NRG1: variants seen among roughly 807,000 people sequenced by gnomAD.
NRG1 encodes pro-neuregulin-1, membrane-bound isoform.
Under a neutral mutation model 63.8 loss-of-function variants are expected in NRG1, and 18 were observed. That is an observed-to-expected ratio of 0.28 (90% CI 0.19 to 0.42). The LOEUF (loss-of-function observed/expected upper bound fraction) is 0.42, where lower values mean the gene tolerates loss of function less well. NRG1 is among the 10% of genes least tolerant of loss of function. NRG1 has a pLI of 1.00. For missense variants in NRG1, 762 were observed against 814.7 expected, an observed-to-expected ratio of 0.94 and a Z score of 0.79; for synonymous variants, 302 against 301.3, an observed-to-expected ratio of 1.00 and a Z score of -0.02.
intron 1 of NRG1, among the ~76,000 whole-genome samples, chr8:32,538,716 A>G (rs948009224): frequency 1.3e-5 from 2 of 152,234 alleles, no homozygotes; most frequent in Admixed American, 6.5e-5. Flanking sequence ...ATCATTCCGA[A>G]GCTGAATTAA....
chr8:31,774,070 G>A (rs888514515), intron 1 of NRG1, among the ~76,000 whole-genome samples: 1 of 151,914 alleles, frequency 6.6e-6, no homozygotes. Flanking sequence ...ATGGCTCACA[G>A]GAACCAAGTG....
intron 1 of NRG1, among the ~76,000 whole-genome samples, chr8:32,396,445 A>T (rs753152157): frequency 2.0e-5 from 3 of 152,074 alleles, no homozygotes; most frequent in Non-Finnish European, 4.4e-5. Context: ...CAAATGGTAC[A>T]TTTATTTATC....
intron 5 of NRG1, among the ~76,000 whole-genome samples, chr8:32,721,292 T>A (rs1820564985): frequency 6.6e-6 from 1 of 152,222 alleles, no homozygotes; most frequent in Non-Finnish European, 1.5e-5. Flanking sequence ...TCTATATATG[T>A]TTGAACAATG....
chr8:31,948,100 G>T (rs1269477969), intron 1 of NRG1, among the ~76,000 whole-genome samples: 1 of 151,978 alleles, frequency 6.6e-6, no homozygotes, highest in African/African-American at 2.4e-5. Context: ...ACACACATAT[G>T]CACATATGTA....
chr8:32,674,078 T>C (rs1806419313), intron 5 of NRG1, among the ~76,000 whole-genome samples: 1 of 152,200 alleles, frequency 6.6e-6, no homozygotes, highest in Admixed American at 6.5e-5. Flanking sequence ...CATCTATTAT[T>C]TGCCTCTATT....
chr8:32,462,186 G>A (rs1056485422), intron 1 of NRG1, among the ~76,000 whole-genome samples: 4 of 152,180 alleles, frequency 2.6e-5, no homozygotes, highest in South Asian at 4.1e-4. Flanking sequence ...GAGGTTTTAC[G>A]AAAAGGAGAA....
At chr8:32,425,081 T>TCA (rs1817188100) in intron 1 of NRG1, among the ~76,000 whole-genome samples, 2 of 152,072 alleles carry the variant, frequency 1.3e-5, no homozygotes, top group Admixed American at 6.6e-5. Flanking sequence ...ATTTACTATA[T>TCA]ATCAGTAGCA....
At chr8:32,040,739 AAATTTAGGCGCATATATATAT>A (rs1216805663) in intron 1 of NRG1, among the ~76,000 whole-genome samples, 4 of 20,698 alleles carry the variant, frequency 1.9e-4, no homozygotes, top group African/African-American at 3.8e-4. Flanking sequence ...TATATATATG[AAATTTAGGCGCATATATATAT>A]ATATATATGC....
chr8:32,669,781 A>G (rs892832734), intron 5 of NRG1, among the ~76,000 whole-genome samples: 13 of 152,200 alleles, frequency 8.5e-5, no homozygotes, highest in African/African-American at 2.7e-4. Context: ...AAAACATTGA[A>G]TTGTGAGTTT....
At chr8:31,694,886 A>T (rs562864525) in intron 1 of NRG1, among the ~76,000 whole-genome samples, 1 of 152,292 alleles carries the variant, frequency 6.6e-6, no homozygotes, top group South Asian at 2.1e-4. Context: ...ATAGCTTTTT[A>T]TTGGGGGAAA....
intron 1 of NRG1, among the ~76,000 whole-genome samples, chr8:32,214,414 A>G (rs1400378073): frequency 6.6e-6 from 1 of 152,230 alleles, no homozygotes; most frequent in Non-Finnish European, 1.5e-5. Flanking sequence ...CATAAAACCT[A>G]TTTAATTCTC....
intron 1 of NRG1, among the ~76,000 whole-genome samples, chr8:31,963,552 G>A (rs577794863): frequency 6.6e-6 from 1 of 152,252 alleles, no homozygotes; most frequent in Admixed American, 6.5e-5. Flanking sequence ...ATTAACTTGT[G>A]TACAAAATGC....
intron 1 of NRG1, among the ~76,000 whole-genome samples, chr8:32,581,615 T>G (rs1226645272): frequency 6.6e-6 from 1 of 152,108 alleles, no homozygotes. Context: ...ATACCTTATA[T>G]TAAATGGAAT....
intron 1 of NRG1, among the ~76,000 whole-genome samples, chr8:31,950,120 A>C (rs1803236613): frequency 6.6e-6 from 1 of 152,336 alleles, no homozygotes; most frequent in East Asian, 1.9e-4. Flanking sequence ...AAAGAGACAC[A>C]CTGAATCACT....
chr8:32,710,518 A>G (rs902997398), intron 5 of NRG1, among the ~76,000 whole-genome samples: 7 of 152,162 alleles, frequency 4.6e-5, no homozygotes, highest in South Asian at 2.1e-4. Flanking sequence ...TTATATTTGT[A>G]TGTGCATTTT....
chr8:32,647,136 G>A (rs1347935729), intron 5 of NRG1: 1 of 985,326 alleles, frequency 1.0e-6, no homozygotes, highest in Non-Finnish European at 1.2e-6. Context: ...GATGCTCCGA[G>A]GGCAGGCACC....
intron 1 of NRG1, among the ~76,000 whole-genome samples, chr8:32,174,679 T>C (rs1449592801): frequency 6.6e-6 from 1 of 152,122 alleles, no homozygotes; most frequent in African/African-American, 2.4e-5. Context: ...AAATACAAAC[T>C]ACCATCAGAG....
intron 1 of NRG1, among the ~76,000 whole-genome samples, chr8:32,280,463 A>C (rs1280305762): frequency 6.6e-6 from 1 of 152,226 alleles, no homozygotes; most frequent in African/African-American, 2.4e-5. Context: ...AAGTGAAATA[A>C]GCCACACACA....
At position 31,765,972 on chromosome 8, in the gene NRG1, C is replaced by T. The variant is rs114982263; in HGVS notation, c.37+126541C>T. Among the ~76,000 whole-genome samples, 706 of 152,192 alleles carry T rather than the reference C, an allele frequency of 4.6e-3. 7 individuals are homozygous for T. Among genetic ancestry groups the T allele is most frequent in the African/African-American group, 0.016 (664 of 41,524 alleles). ...AGATAGTAATTAATGTGAGAGTTTT[C>T]CCCAGATTTTTATAGTCTTCCTTTA... On this transcript the variant is annotated intron_variant, in intron 1 of 10. Coordinates refer to the NRG1 transcript ENST00000519301.
Sources: allele counts gnomAD v4.1 joint callset (sites outside exome capture counted in the v4.1 genomes callset), GRCh38; gene constraint gnomAD v4.1.1; transcripts MANE v1.5; gene names NCBI Gene and HGNC (gene_info 2026-07-23, HGNC 2026-07-21).